Variants in DGKI observed in about 807,000 individuals in gnomAD.
DGKI encodes the protein DAG kinase iota.
DGKI carries 55 observed loss-of-function variants against 147.5 expected under a neutral mutation model. That is an observed-to-expected ratio of 0.37 (90% CI 0.30 to 0.47). The LOEUF is 0.47. Ranked by LOEUF, DGKI falls within the 20% of genes least tolerant of loss-of-function variation. The pLI, the probability that DGKI is intolerant of heterozygous loss-of-function variation, is 1.00. For missense variants in DGKI, 1,007 were observed against 1,323.8 expected (o/e 0.76, Z 3.71); for synonymous variants, 469 against 477.1 (o/e 0.98, Z 0.22).
intron 1 of DGKI, among the ~76,000 whole-genome samples, chr7:137,693,532 T>C (rs1223690607): frequency 2.0e-5 from 3 of 152,218 alleles, no homozygotes; most frequent in African/African-American, 4.8e-5. Flanking sequence ...ATAAAAGCCA[T>C]TATACATTTT....
At chr7:137,471,917 T>A (rs1233724035) in intron 23 of DGKI, among the ~76,000 whole-genome samples, 1 of 142,486 alleles carries the variant, frequency 7.0e-6, no homozygotes, top group Non-Finnish European at 1.5e-5. Context: ...TTGCTCTCTA[T>A]ATGTATATAT....
chr7:137,459,623 C>T (rs959947765), intron 27 of DGKI, among the ~76,000 whole-genome samples: 3 of 151,490 alleles, frequency 2.0e-5, no homozygotes, highest in Admixed American at 6.6e-5. Flanking sequence ...TACGGGCGCC[C>T]GCCACCACGC....
chr7:137,536,548 G>A (rs898314149), intron 20 of DGKI, among the ~76,000 whole-genome samples: 2 of 152,064 alleles, frequency 1.3e-5, no homozygotes, highest in South Asian at 4.1e-4. Context: ...ATTTTTGGAG[G>A]GCAGATTTTC....
chr7:137,753,286 C>G (rs1006907281), intron 1 of DGKI, among the ~76,000 whole-genome samples: 2 of 152,202 alleles, frequency 1.3e-5, no homozygotes, highest in Non-Finnish European at 2.9e-5. Flanking sequence ...CAGGATACTT[C>G]CAGACAGAGA....
intron 1 of DGKI, among the ~76,000 whole-genome samples, chr7:137,814,321 C>T (rs968929810): frequency 3.9e-5 from 6 of 152,174 alleles, no homozygotes; most frequent in African/African-American, 1.4e-4. Flanking sequence ...TGCCAAAAAA[C>T]GATTCAAATT....
rs146477185 is a variant in DGKI at position 137,837,172 on chromosome 7, T to C, written c.401+9290A>G. The stretch of plus-strand genomic sequence containing the variant: ...AAATGGAAATAATAATAGTCCCTAC[T>C]TAATTGACGGTCCAGTGAAATCCCA... On this transcript the variant is annotated intron_variant, in intron 1 of 32. Coordinates refer to ENST00000614521, the MANE Select transcript of DGKI (RefSeq NM_001321708.2). 5.9e-3 allele frequency among the ~76,000 whole-genome samples: 904 copies of C among 152,352 alleles called. 10 individuals are homozygous for C. The highest frequency in any genetic ancestry group is 0.017 in the African/African-American group (705 of 41,562).
chr7:137,712,871 C>G (rs1404243249), intron 1 of DGKI, among the ~76,000 whole-genome samples: 1 of 152,130 alleles, frequency 6.6e-6, no homozygotes, highest in Non-Finnish European at 1.5e-5. Flanking sequence ...GAATAATAGA[C>G]TTTCAGGGTT....
chr7:137,597,628 C>T (rs1819842167), intron 12 of DGKI, among the ~76,000 whole-genome samples: 1 of 152,098 alleles, frequency 6.6e-6, no homozygotes, highest in African/African-American at 2.4e-5. Context: ...AAGAATACAG[C>T]ATAGTTGAAG....
At chr7:137,638,390 CT>C (rs1161859468) in intron 6 of DGKI, among the ~76,000 whole-genome samples, 16 of 140,930 alleles carry the variant, frequency 1.1e-4, no homozygotes, top group Admixed American at 9.4e-4. Flanking sequence ...TATTTTTGCC[CT>C]TTTATGAATT....
intron 20 of DGKI, among the ~76,000 whole-genome samples, chr7:137,550,196 C>T (rs189948389): frequency 2.7e-5 from 4 of 148,326 alleles, no homozygotes; most frequent in East Asian, 3.9e-4. Context: ...GACAGAGTCT[C>T]GCTCTGTTGC....
At chr7:137,429,822 A>G (rs1211080690) in intron 28 of DGKI, among the ~76,000 whole-genome samples, 43 of 129,780 alleles carry the variant, frequency 3.3e-4, no homozygotes, top group African/African-American at 1.2e-3. Flanking sequence ...ATCACTGGCC[A>G]TCAGAGAAAT....
chr7:137,841,669 A>T (rs1289535375), intron 1 of DGKI, among the ~76,000 whole-genome samples: 2 of 152,236 alleles, frequency 1.3e-5, no homozygotes, highest in African/African-American at 4.8e-5. Context: ...CTCAACTTCA[A>T]GGATACCTTG....
intron 3 of DGKI, among the ~76,000 whole-genome samples, chr7:137,673,144 C>T (rs1040250813): frequency 3.3e-5 from 5 of 152,256 alleles, no homozygotes; most frequent in African/African-American, 1.2e-4. Flanking sequence ...TCCAGATGAA[C>T]TCATCCTAAT....
intron 1 of DGKI, among the ~76,000 whole-genome samples, chr7:137,822,584 C>T (rs1040330255): frequency 1.3e-5 from 2 of 152,022 alleles, no homozygotes; most frequent in Admixed American, 1.3e-4. Context: ...GACATGCACA[C>T]CGAGCTTCCA....
chr7:137,499,654 C>A (rs1001014245), intron 21 of DGKI, among the ~76,000 whole-genome samples: 2 of 152,146 alleles, frequency 1.3e-5, no homozygotes, highest in South Asian at 4.1e-4. Flanking sequence ...ATACCCACTC[C>A]TGCACTCCAG....
chr7:137,823,038 G>A lies in DGKI; in HGVS notation c.401+23424C>T, dbSNP rs144339269. Among the ~76,000 whole-genome samples the A allele has an allele frequency of 1.3e-4, 20 of 150,460 alleles. No individual in the cohort carries two copies. In the East Asian group the frequency reaches 3.9e-3, roughly 29 times the overall value. On this transcript the variant is annotated intron_variant, in intron 1 of 32. Transcript: ENST00000614521. The stretch of plus-strand genomic sequence containing the variant: ...AAAAAGCAACTGGTAAATTGGGGAG[G>A]AGGAAAATATTCTCCCCCAACCCAA...
intron 1 of DGKI, among the ~76,000 whole-genome samples, chr7:137,752,186 G>A (rs1009594953): frequency 1.3e-5 from 2 of 151,976 alleles, no homozygotes; most frequent in African/African-American, 4.8e-5. Flanking sequence ...GAGCAAAGAG[G>A]AAGAGGTGGT....
At chr7:137,606,776 T>C (rs1820200189) in intron 10 of DGKI, among the ~76,000 whole-genome samples, 1 of 152,240 alleles carries the variant, frequency 6.6e-6, no homozygotes, top group African/African-American at 2.4e-5. Context: ...CATTCTAATC[T>C]TTAATCACAT....
At chr7:137,654,035 T>C (rs1822129778) in intron 5 of DGKI, among the ~76,000 whole-genome samples, 1 of 152,346 alleles carries the variant, frequency 6.6e-6, no homozygotes, top group Admixed American at 6.5e-5. Flanking sequence ...AAATAAAATG[T>C]GAACAAATAA....
Sources: gnomAD v4.1 joint callset for allele counts (sites outside exome capture counted in the v4.1 genomes callset) on GRCh38, gnomAD v4.1.1 for gene constraint, MANE v1.5 for transcripts, NCBI Gene and HGNC (gene_info 2026-07-23, HGNC 2026-07-21) for gene names.